The following TASP1 variants were observed in gnomAD, a reference collection of about 807,000 sequenced individuals.
The protein encoded by TASP1 is taspase 1.
Under a neutral mutation model 56.6 loss-of-function variants are expected in TASP1, and 16 were observed. The observed-to-expected ratio is 0.28, with a 90% CI of 0.19 to 0.43. The LOEUF (loss-of-function observed/expected upper bound fraction) is 0.43, where lower values mean the gene tolerates loss of function less well. Among genes scored for constraint, TASP1 ranks in the 20% least tolerant of loss-of-function variants. TASP1 has a pLI of 1.00. For missense variants in TASP1, 393 were observed against 511.6 expected, an observed-to-expected ratio of 0.77 and a Z score of 2.24; for synonymous variants, 179 against 184.2, an observed-to-expected ratio of 0.97 and a Z score of 0.23.
chr20:13,504,825 C>T (rs2044071031), intron 10 of TASP1, among the ~76,000 whole-genome samples: 1 of 151,920 alleles, frequency 6.6e-6, no homozygotes, highest in African/African-American at 2.4e-5. Context: ...TTCATAGTAA[C>T]TACAAAGCAA....
intron 11 of TASP1, among the ~76,000 whole-genome samples, chr20:13,440,540 G>A (rs73078057): frequency 0.017 from 2,545 of 152,184 alleles, 32 homozygotes; most frequent in Non-Finnish European, 0.027. Flanking sequence ...AGATTTTGAG[G>A]AAAGTTTGGA....
chr20:13,321,650 A>AC, the TASP1 span, among the ~76,000 whole-genome samples: 9 of 152,248 alleles, frequency 5.9e-5, no homozygotes, highest in African/African-American at 2.2e-4. Context: ...CCTGGCACAC[A>AC]CAGTGAGCTC....
intron 10 of TASP1, among the ~76,000 whole-genome samples, chr20:13,488,724 T>G (rs542869072): frequency 2.9e-4 from 44 of 152,268 alleles, no homozygotes; most frequent in Non-Finnish European, 4.6e-4. Context: ...TAACGTGAAC[T>G]CCTCAGTCAC....
At chr20:13,299,300 G>A in the TASP1 span, 17 of 1,613,412 alleles carry the variant, frequency 1.1e-5, no homozygotes, top group South Asian at 8.8e-5. The surrounding 1 kb of genome is among the most constrained non-coding windows in gnomAD (Gnocchi z 5.8). Flanking sequence ...AGTTCTCCGC[G>A]GAGCTCCACT....
In TASP1 at chr20:13,394,772, C is replaced by T. The variant is rs1034256005; in HGVS notation, c.1171-4320G>A. Among the ~76,000 whole-genome samples, 4 of 151,996 alleles carry T rather than the reference C, an allele frequency of 2.6e-5. No individual in the cohort carries two copies. The East Asian group carries it at 5.8e-4, about 22-fold the overall frequency. The stretch of plus-strand genomic sequence containing the variant: ...CACTGGCCGTGTAGTTATAATTTGC[C>T]GCTTTCTTGCTAATTCCCTAAGAAG... On this transcript the variant is annotated intron_variant, in intron 13 of 13. Transcript: ENST00000337743.
the TASP1 span, among the ~76,000 whole-genome samples, chr20:13,242,802 C>T: frequency 6.6e-6 from 1 of 152,156 alleles, no homozygotes; most frequent in South Asian, 2.1e-4. Context: ...CATCGGGTTC[C>T]TTACTGTTCA....
chr20:13,590,937 T>A (rs2047508540), intron 4 of TASP1, among the ~76,000 whole-genome samples: 1 of 151,700 alleles, frequency 6.6e-6, no homozygotes, highest in African/African-American at 2.4e-5. Context: ...TAAAGGCACT[T>A]TGAAAATGGT....
chr20:13,486,738 T>G (rs2043329927), intron 10 of TASP1, among the ~76,000 whole-genome samples: 1 of 152,190 alleles, frequency 6.6e-6, no homozygotes, highest in African/African-American at 2.4e-5. Context: ...CCAGACACTA[T>G]GTATCTCTTG....
chr20:13,324,130 G>A, the TASP1 span, among the ~76,000 whole-genome samples: 3 of 152,172 alleles, frequency 2.0e-5, no homozygotes, highest in African/African-American at 4.8e-5. Flanking sequence ...CTATCCCTGG[G>A]ACCTAGCTGT....
At chr20:13,384,994 G>A (rs79673780), downstream of TASP1, among the ~76,000 whole-genome samples, 943 of 152,296 alleles carry the variant, frequency 6.2e-3, 12 homozygotes, top group African/African-American at 0.022. Flanking sequence ...TAGGATTTAT[G>A]TCAGAACAAT....
chr20:13,160,110 A>G, the TASP1 span: 1 of 1,613,964 alleles, frequency 6.2e-7, no homozygotes. Context: ...TCAGCGGCAC[A>G]TACCCGGGAG....
chr20:13,441,325 C>T (rs1050728453), intron 11 of TASP1, among the ~76,000 whole-genome samples: 4 of 152,182 alleles, frequency 2.6e-5, no homozygotes, highest in African/African-American at 9.7e-5. Context: ...AACAAAGCCC[C>T]TGCATACATC....
the TASP1 span, among the ~76,000 whole-genome samples, chr20:13,316,568 G>A: frequency 6.6e-6 from 1 of 151,570 alleles, no homozygotes; most frequent in Non-Finnish European, 1.5e-5. Context: ...ATCCAGTAAT[G>A]GACAAAAATA....
chr20:13,231,891 C>T, the TASP1 span, among the ~76,000 whole-genome samples: 458 of 152,256 alleles, frequency 3.0e-3, 8 homozygotes, highest in Non-Finnish European at 4.4e-3. Flanking sequence ...GCTTTGAATG[C>T]GATGGGCCAT....
At chr20:13,570,795 T>C (rs532654367) in intron 6 of TASP1, among the ~76,000 whole-genome samples, 17 of 152,132 alleles carry the variant, frequency 1.1e-4, no homozygotes, top group Non-Finnish European at 2.1e-4. Context: ...AGCCGTCACA[T>C]AAACTTCAAA....
the TASP1 span, among the ~76,000 whole-genome samples, chr20:13,114,742 C>T: frequency 1.3e-5 from 2 of 152,052 alleles, no homozygotes; most frequent in African/African-American, 4.8e-5. Context: ...CTCTTTCCAC[C>T]TTGCTTTCTT....
At chr20:13,590,668 C>T (rs753744979) in intron 4 of TASP1, among the ~76,000 whole-genome samples, 8 of 152,040 alleles carry the variant, frequency 5.3e-5, no homozygotes, top group Admixed American at 2.0e-4. Context: ...GCATTCGAGA[C>T]CAGCCTGGCC....
At chr20:13,326,732 T>C in the TASP1 span, among the ~76,000 whole-genome samples, 7 of 152,180 alleles carry the variant, frequency 4.6e-5, no homozygotes, top group African/African-American at 1.4e-4. Context: ...TCTCAATAGA[T>C]GAAGAAGAGG....
the TASP1 span, among the ~76,000 whole-genome samples, chr20:13,175,946 A>G: frequency 6.6e-6 from 1 of 152,224 alleles, no homozygotes; most frequent in Non-Finnish European, 1.5e-5. Flanking sequence ...GATTAAAGAT[A>G]TAAAGAATGA....
Sources: allele counts gnomAD v4.1 joint callset (sites outside exome capture counted in the v4.1 genomes callset), GRCh38; gene constraint gnomAD v4.1.1; non-coding constraint Gnocchi (gnomAD v3.1); transcripts MANE v1.5; gene names NCBI Gene and HGNC (gene_info 2026-07-23, HGNC 2026-07-21).